FBXO41: variants seen among roughly 807,000 people sequenced by gnomAD.
The protein encoded by FBXO41 is F-box only protein 41.
A neutral mutation model predicts 81.6 loss-of-function variants in FBXO41; 33 were observed. The ratio of observed to expected loss-of-function variants is 0.40; its 90% CI spans 0.31 to 0.54. FBXO41 has a LOEUF of 0.54. Ranked by LOEUF, FBXO41 falls within the 20% of genes least tolerant of loss-of-function variation. The pLI, the probability that FBXO41 is intolerant of heterozygous loss-of-function variation, is 0.39. For missense variants in FBXO41, 1,107 were observed against 1,236.0 expected, an observed-to-expected ratio of 0.90 and a Z score of 1.56; for synonymous variants, 576 against 552.7, an observed-to-expected ratio of 1.04 and a Z score of -0.59.
intron 9 of FBXO41, among the ~76,000 whole-genome samples, chr2:73,262,378 G>C (rs1181596848): frequency 6.6e-6 from 1 of 152,222 alleles, no homozygotes; most frequent in Non-Finnish European, 1.5e-5. Context: ...GCTGTCGCGT[G>C]GAGAGAGGCA....
Position 73,256,503 on chromosome 2 carries a change from T to A in FBXO41, c.*2479A>T, listed in dbSNP as rs573519173. 33 of 152,390 alleles carry A rather than the reference T, an allele frequency of 2.2e-4. No homozygotes were observed. Among genetic ancestry groups the A allele is most frequent in the African/African-American group, 7.9e-4 (33 of 41,568 alleles). The allele number at this position is 152,390 out of a possible 1,614,324, so 9.4% of individuals were successfully genotyped here. On this transcript the variant is annotated 3_prime_UTR_variant, in exon 13 of 13. Transcript: ENST00000520530. ...ACAAGTCTGTCAGCCCCAGGGTGCGTGTGCAATGGAATACTCTGACCTCTC... is the reference window on the plus strand; with the variant it reads ...ACAAGTCTGTCAGCCCCAGGGTGCGAGTGCAATGGAATACTCTGACCTCTC...
rs1010117881 is a variant in FBXO41, at chr2:73,266,273, G to A, written c.1131+184C>T. On this transcript the variant is annotated intron_variant, in intron 3 of 12. Coordinates refer to ENST00000520530, the MANE Select transcript of FBXO41 (RefSeq NM_001371389.2). The surrounding 1 kb of genome is among the most constrained non-coding windows in gnomAD (Gnocchi z 5.3). ...CCGAATCACATCTCACTACAGCCTC[G>A]GGGGCTGGCACTGGCACTCCTGCCC... is the stretch of plus-strand genomic sequence containing the variant. Among the ~76,000 whole-genome samples the A allele has an allele frequency of 3.9e-5, 6 of 152,120 alleles. No homozygotes were observed. The highest frequency in any genetic ancestry group is 1.9e-4 in the East Asian group (1 of 5,184).
Position 73,263,527 on chromosome 2 carries a change from C to T in FBXO41, c.2075+151G>A, listed in dbSNP as rs1046702634. The T allele has an allele frequency of 6.9e-6, 7 of 1,018,748 alleles. No individual in the cohort carries two copies. The African/African-American group carries it at 1.1e-4, about 17-fold the overall frequency. 63.1% of individuals were successfully genotyped at this position (1,018,748 alleles called of 1,614,324 possible). A position where few individuals can be genotyped will look rare whatever the true frequency, so the allele number is the denominator to read the frequency against. On this transcript the variant is annotated intron_variant, in intron 8 of 12. Transcript: ENST00000520530. ...AGCTGGAGTCGCCCACAGTGGTGGC[C>T]TCTGCTCTTGCCAAGGCTTCCTTTC...
At position 73,255,780 on chromosome 2, in the gene FBXO41, G is replaced by A. The variant is rs1401173076; in HGVS notation, c.*3202C>T. ...AAGGCAAGGGATGGAGCCAAACCTT[G>A]GAGTAGCAGGCCTTGGGAAGGAGGA... On this transcript the variant is annotated 3_prime_UTR_variant, in exon 13 of 13. Coordinates refer to ENST00000520530, the MANE Select transcript of FBXO41 (RefSeq NM_001371389.2). The A allele has an allele frequency of 1.3e-5, 2 of 152,632 alleles. No homozygotes were observed. Among genetic ancestry groups the A allele is most frequent in the Non-Finnish European group, 2.9e-5 (2 of 68,086 alleles). The allele number at this position is 152,632 out of a possible 1,614,324, so 9.5% of individuals were successfully genotyped here.
chr2:73,260,365 G>C lies in FBXO41; in HGVS notation c.2449+24C>G. On this transcript the variant is annotated intron_variant, in intron 11 of 12. Transcript: ENST00000520530. The surrounding 1 kb of genome is among the most constrained non-coding windows in gnomAD (Gnocchi z 5.0). ...CCGTGGCAGGTGATAGTCGTACCCT[G>C]CCCCTCATTCCCCCAGTGCTCACTG... is the stretch of plus-strand genomic sequence containing the variant. 6.2e-7 allele frequency: 1 copy of C among 1,608,026 alleles called. No individual in the cohort carries two copies. Among genetic ancestry groups the C allele is most frequent in the South Asian group, 1.1e-5 (1 of 90,130 alleles).
chr2:73,264,625 C>A (rs1279399469), intron 5 of FBXO41, 106 bp from the exon 6 acceptor site: 2 of 1,508,386 alleles, frequency 1.3e-6, no homozygotes, highest in Non-Finnish European at 1.8e-6. Context: ...AATGGACATG[C>A]TGTGGTACCA....
intron 1 of FBXO41, among the ~76,000 whole-genome samples, chr2:73,276,597 AGAGAGAGG>A (rs879481980): frequency 1.2e-4 from 13 of 105,748 alleles, no homozygotes; most frequent in African/African-American, 3.3e-4. Context: ...AGAGAGAGAG[AGAGAGAGG>A]GAGAGAGGGA....
rs562591084 is a variant in FBXO41, at chr2:73,262,052, G to A, written c.2171+1161C>T. Among the ~76,000 whole-genome samples, 10 of 152,212 alleles carry A rather than the reference G, an allele frequency of 6.6e-5. No homozygotes were observed. The East Asian group carries it at 9.7e-4, about 15-fold the overall frequency. ...AGGCTGGCCAACATGGTGAAAGCCC[G>A]TCTCTACTACAAATACAAAAATTAG... On this transcript the variant is annotated intron_variant, in intron 9 of 12. Coordinates refer to ENST00000520530, the MANE Select transcript of FBXO41 (RefSeq NM_001371389.2).
At position 73,260,079 on chromosome 2, in the gene FBXO41, T is replaced by TG. The variant is rs776094472; in HGVS notation, c.2449+309dup. 1.3e-5 allele frequency among the ~76,000 whole-genome samples: 2 copies of TG among 151,930 alleles called. No homozygotes were observed. The highest frequency in any genetic ancestry group is 2.9e-5 in the Non-Finnish European group (2 of 67,984). ...GAGTCTTCACCCTGAGAACTGTCCTTGGGGGGGCTTCCATATATCATCTCA... is the reference window on the plus strand; with the variant it reads ...GAGTCTTCACCCTGAGAACTGTCCTTGGGGGGGGCTTCCATATATCATCTCA... On this transcript the variant is annotated intron_variant, in intron 11 of 12. Transcript: ENST00000520530. The surrounding 1 kb of genome is among the most constrained non-coding windows in gnomAD (Gnocchi z 5.0).
rs760066147 is a variant in FBXO41, at chr2:73,259,224, G to C, written c.2522C>G (p.Pro841Arg). 12 of 1,614,044 alleles carry C rather than the reference G, an allele frequency of 7.4e-6. No individual in the cohort carries two copies. The South Asian group carries it at 1.3e-4, about 18-fold the overall frequency. Residue 841 changes from proline to arginine, a missense_variant, in exon 12 of 13, where the codon CCT becomes CGT. Physicochemically the swap from Pro to Arg is moderately radical, Grantham distance 103. Transcript: ENST00000520530. The surrounding 1 kb of genome is among the most constrained non-coding windows in gnomAD (Gnocchi z 4.2). ...IADYFKEPSS[P>R]EAQKLFEDMV... ...GTCCTCAAACAGCTTCTGGGCCTCA[G>C]GGCTGCTGGGCTCTTTGAAATAATC...
intron 1 of FBXO41, among the ~76,000 whole-genome samples, chr2:73,273,550 C>T (rs1688601193): frequency 6.6e-6 from 1 of 152,154 alleles, no homozygotes; most frequent in Non-Finnish European, 1.5e-5. Context: ...ATTAGAATCA[C>T]AGTGGTCAGG....
At chr2:73,274,875 AT>A (rs375119763) in intron 1 of FBXO41, among the ~76,000 whole-genome samples, 16 of 144,914 alleles carry the variant, frequency 1.1e-4, no homozygotes, top group African/African-American at 2.3e-4. Context: ...CTACATTTGG[AT>A]TTTTTTTTTC....
Position 73,269,671 on chromosome 2 carries a change from GC to G in FBXO41, c.-42del. The G allele has an allele frequency of 8.8e-7, 1 of 1,140,734 alleles. No individual in the cohort carries two copies. Among genetic ancestry groups the G allele is most frequent in the Non-Finnish European group, 1.1e-6 (1 of 932,042 alleles). The allele number at this position is 1,140,734 out of a possible 1,614,324, so 70.7% of individuals were successfully genotyped here. A position where few individuals can be genotyped will look rare whatever the true frequency, so the allele number is the denominator to read the frequency against. On this transcript the variant is annotated 5_prime_UTR_variant, in exon 2 of 13. Transcript: ENST00000520530. This position sits in a 1 kb window ranked among gnomAD's most constrained non-coding sequence, Gnocchi z 7.0. ...GCGGCACGCGGGCTCCACCGCGGCC[GC>G]CCCGCCGGTCAGCCGGGCGCGCTCA...
At chr2:73,271,930 C>T (rs1688516846) in intron 1 of FBXO41, among the ~76,000 whole-genome samples, 1 of 152,180 alleles carries the variant, frequency 6.6e-6, no homozygotes, top group African/African-American at 2.4e-5. Context: ...CACCTAGCCC[C>T]TATTTCCCTT....
chr2:73,265,211 G>A (rs566182087), intron 5 of FBXO41, 71 bp downstream of exon 5: 1 of 1,396,226 alleles, frequency 7.2e-7, no homozygotes, highest in Non-Finnish European at 9.6e-7. Flanking sequence ...GGAAAGGGGA[G>A]GGGGGTGCAG....
Position 73,264,428 on chromosome 2 carries a change from C to T in FBXO41, c.1656G>A (p.Lys552=), listed in dbSNP as rs1283014479. Residue 552 remains lysine, a synonymous_variant, in exon 6 of 13, where the codon AAG becomes AAA. Coordinates refer to ENST00000520530, the MANE Select transcript of FBXO41 (RefSeq NM_001371389.2). Reference sequence around the variant, plus strand: ...AGATGCAGAAGAGGGCAGCTCGCATCTTCAGGATCTCTGGGCTGATGACCT... The same window carrying T: ...AGATGCAGAAGAGGGCAGCTCGCATTTTCAGGATCTCTGGGCTGATGACCT... The part of the protein sequence containing the change: ...SNEVISPEIL[K]MRAALFCIFT... The T allele has an allele frequency of 6.2e-7, 1 of 1,614,006 alleles. No homozygotes were observed. Among genetic ancestry groups the T allele is most frequent in the Non-Finnish European group, 8.5e-7 (1 of 1,179,914 alleles).
rs188466810 is a variant in FBXO41 at position 73,270,106 on chromosome 2, C to T, written c.-138-338G>A. 8.2e-4 allele frequency among the ~76,000 whole-genome samples: 125 copies of T among 152,276 alleles called. 1 individual carries two copies. Among genetic ancestry groups the T allele is most frequent in the African/African-American group, 2.8e-3 (118 of 41,550 alleles). ...ATCTACCCAGCAATAAGAAAAGAAA[C>T]TATTGGTACACAGTGACATGGATGA... On this transcript the variant is annotated intron_variant, in intron 1 of 12. Coordinates refer to ENST00000520530, the MANE Select transcript of FBXO41 (RefSeq NM_001371389.2).
At position 73,276,986 on chromosome 2, in the gene FBXO41, G is replaced by T. The variant is rs187849068; in HGVS notation, c.-139+7174C>A. 1.8e-3 allele frequency among the ~76,000 whole-genome samples: 274 copies of T among 152,284 alleles called. 1 individual carries two copies. The highest frequency in any genetic ancestry group is 6.4e-3 in the African/African-American group (266 of 41,566). ...CTAACTAAGTGCTGGTCCTTCCTGT[G>T]GGGGGCATCTTTCAGGGCCCCAGAA... On this transcript the variant is annotated intron_variant, in intron 1 of 12. Transcript: ENST00000520530.
rs1362358559 is a variant in FBXO41 at position 73,269,601 on chromosome 2, G to A, written c.30C>T (p.Cys10=). Residue 10 remains cysteine (C), a synonymous_variant, in exon 2 of 13, where the codon TGC becomes TGT. Transcript: ENST00000520530. This position sits in a 1 kb window ranked among gnomAD's most constrained non-coding sequence, Gnocchi z 7.0. The part of the protein sequence containing the change: MASLDLPYR[C]PRCGEHKRFR... ...AGCGCTTGTGCTCCCCGCAGCGGGGGCAGCGGTACGGCAGGTCCAGCGAGG... is the reference window on the plus strand; with the variant it reads ...AGCGCTTGTGCTCCCCGCAGCGGGGACAGCGGTACGGCAGGTCCAGCGAGG... 4 of 1,309,176 alleles carry A rather than the reference G, an allele frequency of 3.1e-6. No individual in the cohort carries two copies. The highest frequency in any genetic ancestry group is 1.6e-5 in the African/African-American group (1 of 64,120). The allele number at this position is 1,309,176 out of a possible 1,614,324, so 81.1% of individuals were successfully genotyped here. A position where few individuals can be genotyped will look rare whatever the true frequency, so the allele number is the denominator to read the frequency against.
Sources: allele counts gnomAD v4.1 joint callset (sites outside exome capture counted in the v4.1 genomes callset), GRCh38; gene constraint gnomAD v4.1.1; non-coding constraint Gnocchi (gnomAD v3.1); transcripts MANE v1.5; gene names NCBI Gene and HGNC (gene_info 2026-07-23, HGNC 2026-07-21).